ACOX1: variants seen among roughly 807,000 people sequenced by gnomAD.
ACOX1 encodes the protein acyl-CoA oxidase 1, also known as peroxisomal acyl-coenzyme A oxidase 1.
Under a neutral mutation model 75.5 loss-of-function variants are expected in ACOX1, and 41 were observed. The ratio of observed to expected loss-of-function variants is 0.54; its 90% CI spans 0.42 to 0.70. The LOEUF is 0.70. Ranked by LOEUF, ACOX1 falls within the 30% of genes least tolerant of loss-of-function variation. The pLI is 0.00. For missense variants in ACOX1, 630 were observed against 837.5 expected, an observed-to-expected ratio of 0.75 and a Z score of 3.06; for synonymous variants, 303 against 298.8, an observed-to-expected ratio of 1.01 and a Z score of -0.15.
Position 75,950,696 on chromosome 17 carries a change from C to A in ACOX1, c.1298+78G>T. The A allele has an allele frequency of 6.7e-7, 1 of 1,493,510 alleles. No individual in the cohort carries two copies. The highest frequency in any genetic ancestry group is 9.3e-7 in the Non-Finnish European group (1 of 1,073,524). The allele number at this position is 1,493,510 out of a possible 1,614,324, so 92.5% of individuals were successfully genotyped here. On this transcript the variant is annotated intron_variant, in intron 9 of 13. Transcript: ENST00000293217. The surrounding 1 kb of genome is among the most constrained non-coding windows in gnomAD (Gnocchi z 4.3). Reference sequence around the variant, plus strand: ...AATATATATATACGGTGAAGAAAAACCATGGGAACAAGAACCTAGGAAAAG... The same window carrying A: ...AATATATATATACGGTGAAGAAAAAACATGGGAACAAGAACCTAGGAAAAG...
At chr17:75,954,004 G>A (rs1001724771) in intron 6 of ACOX1, among the ~76,000 whole-genome samples, 3 of 152,050 alleles carry the variant, frequency 2.0e-5, no homozygotes, top group Non-Finnish European at 2.9e-5. Flanking sequence ...AGATCAAGAG[G>A]TCAGGAATTC....
At chr17:75,951,608 T>C in intron 7 of ACOX1, 31 bp from the exon 8 acceptor site, 1 of 1,610,476 alleles carries the variant, frequency 6.2e-7, no homozygotes, top group Non-Finnish European at 8.5e-7. Flanking sequence ...AAAAAAGTAG[T>C]AAGTAAATGT....
chr17:75,953,732 G>T lies in ACOX1; in HGVS notation c.775-112C>A, dbSNP rs369610294. The stretch of plus-strand genomic sequence containing the variant: ...CAGCATCAGCATCACCTGGCAACTT[G>T]CATGAAATACTACATCTTAGTCCCC... On this transcript the variant is annotated intron_variant, in intron 6 of 13. Coordinates refer to ENST00000293217, the MANE Select transcript of ACOX1 (RefSeq NM_004035.7). The T allele has an allele frequency of 4.0e-6, 5 of 1,257,206 alleles. No homozygotes were observed. The African/African-American group carries it at 5.9e-5, about 15-fold the overall frequency. 77.9% of individuals were successfully genotyped at this position (1,257,206 alleles called of 1,614,324 possible). A position where few individuals can be genotyped will look rare whatever the true frequency, so the allele number is the denominator to read the frequency against.
In ACOX1 at chr17:75,950,135, A is replaced by G. The variant is rs1357816984; in HGVS notation, c.1299-238T>C. Among the ~76,000 whole-genome samples the G allele has an allele frequency of 2.0e-5, 3 of 151,762 alleles. No individual in the cohort carries two copies. Among genetic ancestry groups the G allele is most frequent in the African/African-American group, 7.3e-5 (3 of 41,274 alleles). ...ATTTTTAATATTTTGTTTTTTTAGTAGAGACAGGGTTTTACCATGTTGGCC... is the reference window on the plus strand; with the variant it reads ...ATTTTTAATATTTTGTTTTTTTAGTGGAGACAGGGTTTTACCATGTTGGCC... On this transcript the variant is annotated intron_variant, in intron 9 of 13. Coordinates refer to ENST00000293217, the MANE Select transcript of ACOX1 (RefSeq NM_004035.7). This position sits in a 1 kb window ranked among gnomAD's most constrained non-coding sequence, Gnocchi z 4.3.
intron 12 of ACOX1, among the ~76,000 whole-genome samples, chr17:75,948,918 G>A (rs2065747935): frequency 6.7e-6 from 1 of 148,752 alleles, no homozygotes. Flanking sequence ...GGAATGCAGT[G>A]GTTTCATCTT....
intron 3 of ACOX1, among the ~76,000 whole-genome samples, chr17:75,958,728 A>C (rs1313848345): frequency 1.3e-5 from 2 of 151,692 alleles, no homozygotes; most frequent in Non-Finnish European, 2.9e-5. Flanking sequence ...GAATGGCGTG[A>C]ACCCGGAAGG....
At chr17:75,962,122 C>T (rs780637679) in intron 2 of ACOX1, among the ~76,000 whole-genome samples, 1 of 152,014 alleles carries the variant, frequency 6.6e-6, no homozygotes, top group Non-Finnish European at 1.5e-5. Context: ...GTCAAATATT[C>T]GGCCACGCTC....
intron 2 of ACOX1, among the ~76,000 whole-genome samples, chr17:75,976,246 A>G (rs527612616): frequency 6.6e-6 from 1 of 152,328 alleles, no homozygotes; most frequent in East Asian, 1.9e-4. Flanking sequence ...ATGAAAAATG[A>G]TACACAAAAC....
chr17:75,955,160 C>A (rs544215546), intron 6 of ACOX1, among the ~76,000 whole-genome samples: 1 of 149,950 alleles, frequency 6.7e-6, no homozygotes, highest in Non-Finnish European at 1.5e-5. Flanking sequence ...TGAGCCACTG[C>A]GCCCAGCCTC....
intron 2 of ACOX1, among the ~76,000 whole-genome samples, chr17:75,976,113 G>A (rs1216446194): frequency 2.0e-5 from 3 of 152,238 alleles, no homozygotes; most frequent in African/African-American, 7.2e-5. Context: ...GATAGCATGC[G>A]ATAATTTCCA....
At position 75,963,695 on chromosome 17, in the gene ACOX1, T is replaced by TAA. The variant is rs34482950; in HGVS notation, c.270-3322_270-3321dup. Among the ~76,000 whole-genome samples, 6 of 134,140 alleles carry TAA rather than the reference T, an allele frequency of 4.5e-5. No individual in the cohort carries two copies. The East Asian group carries it at 8.7e-4, about 20-fold the overall frequency. 88.0% of individuals were successfully genotyped at this position (134,140 alleles called of 152,430 possible). A position where few individuals can be genotyped will look rare whatever the true frequency, so the allele number is the denominator to read the frequency against. On this transcript the variant is annotated intron_variant, in intron 2 of 13. Transcript: ENST00000293217. ...CCTGGCAACAGAGCAAGACTCTATCTAAAAAAAAAAAAAGACTGTGACTGT... is the reference window on the plus strand; with the variant it reads ...CCTGGCAACAGAGCAAGACTCTATCTAAAAAAAAAAAAAAAGACTGTGACTGT...
rs554255120 is a variant in ACOX1, at chr17:75,958,545, A to G, written c.431-979T>C. On this transcript the variant is annotated intron_variant, in intron 3 of 13. Transcript: ENST00000293217. ...AAATTAAAGCTGGGCACGGTGGCTCACGCCTGTAATCCCAGCACTTTGGGG... is the reference window on the plus strand; with the variant it reads ...AAATTAAAGCTGGGCACGGTGGCTCGCGCCTGTAATCCCAGCACTTTGGGG... Among the ~76,000 whole-genome samples, 4 of 148,188 alleles carry G rather than the reference A, an allele frequency of 2.7e-5. 1 individual carries two copies. The South Asian group carries it at 8.4e-4, about 31-fold the overall frequency.
At chr17:75,967,661 C>CATATATATACATATATATATGT (rs1396250464) in intron 2 of ACOX1, among the ~76,000 whole-genome samples, 1 of 93,304 alleles carries the variant, frequency 1.1e-5, no homozygotes, top group Non-Finnish European at 2.0e-5. Flanking sequence ...TATATACATA[C>CATATATATACATATATATATGT]ATATATATAC....
chr17:75,969,801 C>T (rs897935454), intron 2 of ACOX1, among the ~76,000 whole-genome samples: 4 of 151,692 alleles, frequency 2.6e-5, no homozygotes, highest in East Asian at 1.9e-4. Flanking sequence ...GATGGTAATA[C>T]GAAACAAGGC....
At chr17:75,954,568 CTTTTT>C (rs778030630) in intron 6 of ACOX1, among the ~76,000 whole-genome samples, 110 of 115,648 alleles carry the variant, frequency 9.5e-4, no homozygotes, top group African/African-American at 3.8e-3. Context: ...TTATTAGCTC[CTTTTT>C]TTTTTTTTTT....
At chr17:75,976,010 C>A (rs1362470676) in intron 2 of ACOX1, among the ~76,000 whole-genome samples, 1 of 152,110 alleles carries the variant, frequency 6.6e-6, no homozygotes, top group East Asian at 1.9e-4. Context: ...TAGCATGTCA[C>A]GGTTAACTGG....
rs772072226 is a variant in ACOX1 at position 75,946,775 on chromosome 17, G to A, written c.1956C>T (p.His652=). The A allele has an allele frequency of 1.9e-6, 3 of 1,614,028 alleles. No homozygotes were observed. The Admixed American group carries it at 5.0e-5, about 27-fold the overall frequency. Residue 652 remains histidine (H), a synonymous_variant, in exon 14 of 14, where the codon CAC becomes CAT. Coordinates refer to ENST00000293217, the MANE Select transcript of ACOX1 (RefSeq NM_004035.7). Reference sequence around the variant, plus strand: ...AGAGCTTGGACTGCAGTGACTTCAGGTGCTTGTAAGATTCGTGGACCTGTG... The same window carrying A: ...AGAGCTTGGACTGCAGTGACTTCAGATGCTTGTAAGATTCGTGGACCTGTG... ...NKAEVHESYK[H]LKSLQSKL is the part of the protein sequence containing the mutation.
intron 4 of ACOX1, among the ~76,000 whole-genome samples, chr17:75,956,559 G>A (rs1235153189): frequency 2.0e-5 from 3 of 151,792 alleles, no homozygotes; most frequent in East Asian, 3.9e-4. Flanking sequence ...GTGGTGGCAC[G>A]CTCCTGTAGT....
chr17:75,974,144 T>C (rs1332823505), intron 2 of ACOX1, among the ~76,000 whole-genome samples: 3 of 150,042 alleles, frequency 2.0e-5, no homozygotes, highest in Non-Finnish European at 4.4e-5. Context: ...AGAATGTGTG[T>C]GGTTTTTTTT....
Sources: allele counts gnomAD v4.1 joint callset (sites outside exome capture counted in the v4.1 genomes callset), GRCh38; gene constraint gnomAD v4.1.1; non-coding constraint Gnocchi (gnomAD v3.1); transcripts MANE v1.5; gene names NCBI Gene and HGNC (gene_info 2026-07-23, HGNC 2026-07-21).